NFKB1: variants seen among roughly 807,000 people sequenced by gnomAD.
NFKB1 encodes nuclear factor NF-kappa-B p105 subunit.
NFKB1 carries 9 observed loss-of-function variants against 105.1 expected under a neutral mutation model. The observed-to-expected ratio is 0.09, with a 90% confidence interval of 0.05 to 0.15. NFKB1 has a LOEUF of 0.15. Among genes scored for constraint, NFKB1 ranks in the 10% least tolerant of loss-of-function variants. The probability of loss-of-function intolerance (pLI) is 1.00; values close to 1 mark genes in which losing one functional copy is unlikely to be tolerated. For missense variants in NFKB1, 830 were observed against 1,203.7 expected, an observed-to-expected ratio of 0.69 and a Z score of 4.59; for synonymous variants, 440 against 442.2, an observed-to-expected ratio of 1.00 and a Z score of 0.06.
intron 3 of NFKB1, among the ~76,000 whole-genome samples, chr4:102,531,055 G>A (rs1269054485): frequency 6.6e-6 from 1 of 152,096 alleles, no homozygotes. Context: ...GGAGTTCAAA[G>A]TATTTTTCTT....
At chr4:102,551,252 G>C (rs754905052) in intron 5 of NFKB1, among the ~76,000 whole-genome samples, 2 of 152,166 alleles carry the variant, frequency 1.3e-5, no homozygotes, top group Non-Finnish European at 2.9e-5. Context: ...AGGTTACATG[G>C]CACCACAGCC....
intron 5 of NFKB1, among the ~76,000 whole-genome samples, chr4:102,552,005 G>GTT (rs1437772059): frequency 4.6e-5 from 7 of 152,282 alleles, no homozygotes; most frequent in Non-Finnish European, 1.0e-4. Flanking sequence ...ACATGAACCA[G>GTT]CAATGCAATG....
At chr4:102,574,125 C>CTTTTTTTTTTT (rs56977004) in intron 6 of NFKB1, among the ~76,000 whole-genome samples, 1 of 93,268 alleles carries the variant, frequency 1.1e-5, no homozygotes. Flanking sequence ...TCTTGGATTC[C>CTTTTTTTTTTT]TTTTTTTTTT....
At chr4:102,584,588 G>C in intron 10 of NFKB1, 94 bp from the exon 11 acceptor site, 1 of 1,283,286 alleles carries the variant, frequency 7.8e-7, no homozygotes, top group African/African-American at 1.5e-5. Flanking sequence ...TGGGTATAAA[G>C]AAAAGCATAA....
rs1039571386 is a variant in NFKB1 at position 102,577,919 on chromosome 4, A to C, written c.571+880A>C. ...CTTGTAGCCAGATAGATATTACTGA[A>C]GTTCTGTATCTTGTTGCTGCTCCGT... On this transcript the variant is annotated intron_variant, in intron 7 of 23. Transcript: ENST00000226574. The C allele has an allele frequency of 5.1e-6, 5 of 985,284 alleles. No individual in the cohort carries two copies. The African/African-American group carries it at 8.7e-5, about 17-fold the overall frequency. The allele number at this position is 985,284 out of a possible 1,614,324, so 61.0% of individuals were successfully genotyped here.
chr4:102,527,106 G>A (rs932855797), intron 2 of NFKB1, among the ~76,000 whole-genome samples: 8 of 152,094 alleles, frequency 5.3e-5, no homozygotes, highest in Non-Finnish European at 8.8e-5. Context: ...GTATTACTAC[G>A]TGCCAGAACA....
chr4:102,607,857 T>C, intron 19 of NFKB1, 106 bp downstream of exon 19: 1 of 931,692 alleles, frequency 1.1e-6, no homozygotes, highest in Admixed American at 1.8e-5. Context: ...GACCTACTGC[T>C]GAAAAACAAG....
rs34257045 is a variant in NFKB1 at position 102,515,107 on chromosome 4, A to ATTTT, written c.-7-10387_-7-10384dup. Reference sequence around the variant, plus strand: ...TCCATGTAATATTATTATTATTATTATTTTTTTTTTTTTTTTTTTTTGAGA... The same window carrying ATTTT: ...TCCATGTAATATTATTATTATTATTATTTTTTTTTTTTTTTTTTTTTTTTTGAGA... On this transcript the variant is annotated intron_variant, in intron 1 of 23. Transcript: ENST00000226574. Among the ~76,000 whole-genome samples the ATTTT allele has an allele frequency of 1.4e-3, 132 of 95,636 alleles. 1 individual carries two copies. Among genetic ancestry groups the ATTTT allele is most frequent in the African/African-American group, 4.1e-3 (94 of 22,732 alleles). The allele number at this position is 95,636 out of a possible 152,430, so 62.7% of individuals were successfully genotyped here. A position where few individuals can be genotyped will look rare whatever the true frequency, so the allele number is the denominator to read the frequency against.
chr4:102,542,623 C>G (rs1186775743), intron 5 of NFKB1, among the ~76,000 whole-genome samples: 1 of 152,150 alleles, frequency 6.6e-6, no homozygotes, highest in Non-Finnish European at 1.5e-5. Flanking sequence ...CTTTCACTCC[C>G]CAAGATGTTT....
chr4:102,562,831 G>C (rs1041343211), intron 5 of NFKB1, among the ~76,000 whole-genome samples: 1 of 152,140 alleles, frequency 6.6e-6, no homozygotes, highest in African/African-American at 2.4e-5. Flanking sequence ...CGTGAAGTCA[G>C]GACAGATTTC....
intron 6 of NFKB1, among the ~76,000 whole-genome samples, chr4:102,572,733 T>G (rs1290815095): frequency 6.6e-6 from 1 of 152,252 alleles, no homozygotes; most frequent in Non-Finnish European, 1.5e-5. Flanking sequence ...GTGGCATGTG[T>G]GTCTTCTCTT....
At chr4:102,579,073 A>G (rs753333901) in intron 8 of NFKB1, 34 bp downstream of exon 8, 1 of 1,597,964 alleles carries the variant, frequency 6.3e-7, no homozygotes, top group Non-Finnish European at 8.5e-7. Flanking sequence ...GGGCACACCA[A>G]GAATAGACTT....
chr4:102,582,930 T>C lies in NFKB1; in HGVS notation c.900T>C (p.Asp300=), dbSNP rs754142785. ...ENGGVWEGFG[D]FSPTDVHRQF... ...GTGGAGTCTGGGAAGGATTTGGAGA[T>C]TTTTCCCCCACAGATGTTCATAGAC... Residue 300 remains aspartate, a synonymous_variant, in exon 10 of 24, where the codon GAT becomes GAC. Transcript: ENST00000226574. 2 of 1,611,340 alleles carry C rather than the reference T, an allele frequency of 1.2e-6. No individual in the cohort carries two copies. Among genetic ancestry groups the C allele is most frequent in the Admixed American group, 1.7e-5 (1 of 59,932 alleles).
chr4:102,516,997 A>C (rs746392636), intron 1 of NFKB1, among the ~76,000 whole-genome samples: 2 of 152,206 alleles, frequency 1.3e-5, no homozygotes, highest in Non-Finnish European at 2.9e-5. Context: ...TCTCAGCACT[A>C]TATGATGTCC....
chr4:102,563,039 G>T (rs1723568862), intron 5 of NFKB1, among the ~76,000 whole-genome samples: 1 of 152,152 alleles, frequency 6.6e-6, no homozygotes, highest in African/African-American at 2.4e-5. Context: ...TTCAAATCCT[G>T]ATTCCTAGAA....
intron 4 of NFKB1, among the ~76,000 whole-genome samples, chr4:102,534,454 A>AT (rs1741504653): frequency 6.6e-6 from 1 of 152,066 alleles, no homozygotes; most frequent in African/African-American, 2.4e-5. Flanking sequence ...GGAGAGGAAC[A>AT]TTTTTTCAGG....
chr4:102,528,654 A>G (rs1341400469), intron 2 of NFKB1, among the ~76,000 whole-genome samples: 1 of 152,232 alleles, frequency 6.6e-6, no homozygotes, highest in African/African-American at 2.4e-5. Flanking sequence ...TTTCAAACAT[A>G]TAACTTCTTT....
intron 5 of NFKB1, among the ~76,000 whole-genome samples, chr4:102,557,956 C>G (rs1203235004): frequency 2.0e-5 from 3 of 151,890 alleles, no homozygotes; most frequent in Non-Finnish European, 4.4e-5. Flanking sequence ...CAATTTAGAC[C>G]AGTGTTCTGC....
At chr4:102,562,158 G>T (rs1360049801) in intron 5 of NFKB1, among the ~76,000 whole-genome samples, 3 of 152,124 alleles carry the variant, frequency 2.0e-5, no homozygotes, top group Admixed American at 2.0e-4. Context: ...TGCATGTGCT[G>T]TTTTTCCTGC....
Sources: gnomAD v4.1 joint callset for allele counts (sites outside exome capture counted in the v4.1 genomes callset) on GRCh38, gnomAD v4.1.1 for gene constraint, MANE v1.5 for transcripts, NCBI Gene and HGNC (gene_info 2026-07-23, HGNC 2026-07-21) for gene names.